Variants in TRAPPC11 observed in about 807,000 individuals in gnomAD.
TRAPPC11 encodes foie gras homolog.
TRAPPC11 carries 104 observed loss-of-function variants against 151.2 expected under a neutral mutation model. The observed-to-expected ratio is 0.69, with a 90% CI of 0.59 to 0.81. TRAPPC11 has a LOEUF of 0.81. Among genes scored for constraint, TRAPPC11 ranks in the 30% least tolerant of loss-of-function variants. TRAPPC11 has a pLI of 0.00. For missense variants in TRAPPC11, 1,230 were observed against 1,349.6 expected (o/e 0.91, Z 1.39); for synonymous variants, 456 against 472.3 (o/e 0.97, Z 0.45).
chr4:183,697,852 C>T lies in TRAPPC11; in HGVS notation c.2851+17C>T. On this transcript the variant is annotated intron_variant, in intron 25 of 29. Coordinates refer to ENST00000334690, the MANE Select transcript of TRAPPC11 (RefSeq NM_021942.6). ...TGGACAATGGTGAGTCTGGTTCATT[C>T]CCACTTAAAGACCAGGAGAATTGTG... The T allele has an allele frequency of 1.2e-6, 2 of 1,608,980 alleles. No individual in the cohort carries two copies. The highest frequency in any genetic ancestry group is 1.7e-6 in the Non-Finnish European group (2 of 1,177,726).
Position 183,708,463 on chromosome 4 carries a change from T to C in TRAPPC11, c.3246T>C (p.Pro1082=), listed in dbSNP as rs1044428351. The C allele has an allele frequency of 6.2e-7, 1 of 1,614,022 alleles. No homozygotes were observed. Among genetic ancestry groups the C allele is most frequent in the African/African-American group, 1.3e-5 (1 of 74,944 alleles). The change falls in exon 29 of 30, where the codon CCT becomes CCC. Residue 1082 remains proline, a synonymous_variant. Transcript: ENST00000334690. ...TEQEMLYNFY[P]LMAGYQQLPS... ...AGGAAATGCTATATAATTTCTATCC[T>C]CTGATGGCTGGATACCAGCAGCTGC...
intron 2 of TRAPPC11, among the ~76,000 whole-genome samples, chr4:183,665,995 C>T (rs982390453): frequency 7.0e-6 from 1 of 141,916 alleles, no homozygotes; most frequent in Non-Finnish European, 1.5e-5. Flanking sequence ...CATGCATCAT[C>T]GTTTTATGCA....
chr4:183,712,151 T>G (rs1005952297), intron 29 of TRAPPC11, among the ~76,000 whole-genome samples: 1 of 152,178 alleles, frequency 6.6e-6, no homozygotes, highest in Admixed American at 6.5e-5. Context: ...ACCTGTCAGC[T>G]CAGGCTCTGG....
intron 9 of TRAPPC11, 29 bp downstream of exon 9, chr4:183,679,515 T>C (rs1180834331): frequency 6.4e-7 from 1 of 1,554,440 alleles, no homozygotes; most frequent in Admixed American, 2.0e-5. Flanking sequence ...TTTTAGAATT[T>C]TTTAAAAATG....
chr4:183,666,595 A>G (rs1227731212), intron 3 of TRAPPC11, among the ~76,000 whole-genome samples, 169 bp downstream of exon 3: 3 of 152,244 alleles, frequency 2.0e-5, no homozygotes, highest in Non-Finnish European at 2.9e-5. Context: ...TTGACTGTAT[A>G]TAATGCTGGG....
chr4:183,661,531 T>C (rs951631183), intron 1 of TRAPPC11, among the ~76,000 whole-genome samples: 26 of 150,206 alleles, frequency 1.7e-4, no homozygotes, highest in Non-Finnish European at 3.0e-4. Flanking sequence ...ACCACCATAC[T>C]CGGCTAATTT....
intron 28 of TRAPPC11, 39 bp downstream of exon 28, chr4:183,706,979 AGT>A (rs1246109248): frequency 2.5e-6 from 4 of 1,603,094 alleles, no homozygotes; most frequent in Non-Finnish European, 3.4e-6. Flanking sequence ...TTGACACAAA[AGT>A]GTGCCAGGAA....
At chr4:183,694,095 T>C in intron 22 of TRAPPC11, 57 bp downstream of exon 22, 3 of 1,584,176 alleles carry the variant, frequency 1.9e-6, no homozygotes, top group Non-Finnish European at 8.6e-7. Context: ...GTTTTAAATA[T>C]ATAGTGAGTT....
intron 5 of TRAPPC11, among the ~76,000 whole-genome samples, chr4:183,671,228 C>T (rs1735141023): frequency 6.6e-6 from 1 of 152,180 alleles, no homozygotes; most frequent in Admixed American, 6.5e-5. Context: ...TGGGCTTGAA[C>T]TCCGTTGTTA....
At position 183,686,625 on chromosome 4, in the gene TRAPPC11, C is replaced by T. The variant is rs1422193204; in HGVS notation, c.1770C>T (p.Cys590=). Reference sequence around the variant, plus strand: ...CTTTTGTTTTATTTCTAGTGCAGTGCAAAGCCAAGTTTCATGCCCCAAGTT... The same window carrying T: ...CTTTTGTTTTATTTCTAGTGCAGTGTAAAGCCAAGTTTCATGCCCCAAGTT... ...GVQDFVPFVQ[C]KAKFHAPSFH... The change falls in exon 18 of 30, where the codon TGC becomes TGT. Residue 590 remains cysteine, a synonymous_variant. Coordinates refer to ENST00000334690, the MANE Select transcript of TRAPPC11 (RefSeq NM_021942.6). 3 of 1,613,756 alleles carry T rather than the reference C, an allele frequency of 1.9e-6. No homozygotes were observed. The highest frequency in any genetic ancestry group is 2.7e-5 in the African/African-American group (2 of 74,878).
intron 25 of TRAPPC11, chr4:183,701,445 C>A: frequency 2.8e-6 from 1 of 362,482 alleles, no homozygotes; most frequent in Non-Finnish European, 5.0e-6. Context: ...CATTAGTTTC[C>A]ATAGGACTTT....
At chr4:183,663,167 A>G (rs1734646370) in intron 1 of TRAPPC11, among the ~76,000 whole-genome samples, 1 of 151,396 alleles carries the variant, frequency 6.6e-6, no homozygotes, top group African/African-American at 2.4e-5. Flanking sequence ...CCTGGGTTCA[A>G]GTGATTCTCC....
chr4:183,699,765 C>T (rs1436140848), intron 25 of TRAPPC11, among the ~76,000 whole-genome samples: 1 of 152,114 alleles, frequency 6.6e-6, no homozygotes, highest in Non-Finnish European at 1.5e-5. Flanking sequence ...CCTCATGTGG[C>T]TCCTTCCTCT....
At chr4:183,686,875 G>A (rs1438860453) in intron 18 of TRAPPC11, 127 bp downstream of exon 18, 3 of 1,182,224 alleles carry the variant, frequency 2.5e-6, no homozygotes, top group African/African-American at 1.5e-5. Flanking sequence ...CTTTGGTAAG[G>A]TCTATTCAAA....
chr4:183,691,521 T>C (rs767432964), intron 19 of TRAPPC11, 50 bp downstream of exon 19: 12 of 1,123,004 alleles, frequency 1.1e-5, no homozygotes, highest in Non-Finnish European at 1.4e-5. Flanking sequence ...AAAGTATGTT[T>C]ATATCAATAT....
In TRAPPC11 at chr4:183,692,925, G is replaced by C. The variant is rs746474518; in HGVS notation, c.2050-35G>C. 4.6e-5 allele frequency: 72 copies of C among 1,573,872 alleles called. 1 individual carries two copies. In the South Asian group the frequency reaches 8.2e-4, roughly 18 times the overall value. Reference sequence around the variant, plus strand: ...AGGAGATGGTGACAAGCACATATGAGATGACATTTCCAACATCCTTTTTTT... The same window carrying C: ...AGGAGATGGTGACAAGCACATATGACATGACATTTCCAACATCCTTTTTTT... On this transcript the variant is annotated intron_variant, in intron 19 of 29. Coordinates refer to ENST00000334690, the MANE Select transcript of TRAPPC11 (RefSeq NM_021942.6).
intron 17 of TRAPPC11, among the ~76,000 whole-genome samples, chr4:183,686,207 GT>G (rs1735958007): frequency 6.6e-6 from 1 of 152,190 alleles, no homozygotes; most frequent in African/African-American, 2.4e-5. Flanking sequence ...TGCGACCTCC[GT>G]TTACCACAAC....
intron 2 of TRAPPC11, among the ~76,000 whole-genome samples, chr4:183,665,558 C>T (rs1239584880): frequency 6.6e-6 from 1 of 152,140 alleles, no homozygotes; most frequent in Non-Finnish European, 1.5e-5. Context: ...CCTTATTGAC[C>T]TCATCTTTCC....
chr4:183,687,750 G>A (rs1205134594), intron 18 of TRAPPC11, among the ~76,000 whole-genome samples: 2 of 152,102 alleles, frequency 1.3e-5, no homozygotes, highest in Admixed American at 1.3e-4. Flanking sequence ...ATTAGTTTAT[G>A]ATTATGGAAC....
Sources: gnomAD v4.1 joint callset for allele counts (sites outside exome capture counted in the v4.1 genomes callset) on GRCh38, gnomAD v4.1.1 for gene constraint, MANE v1.5 for transcripts, NCBI Gene and HGNC (gene_info 2026-07-23, HGNC 2026-07-21) for gene names.